Variants in UGCG observed in about 807,000 individuals in gnomAD.
The protein encoded by UGCG is ceramide glucosyltransferase.
A neutral mutation model predicts 49.5 loss-of-function variants in UGCG; 10 were observed. That is an observed-to-expected ratio of 0.20 (90% CI 0.12 to 0.34). UGCG has a LOEUF of 0.34. Ranked by LOEUF, UGCG falls within the 10% of genes least tolerant of loss-of-function variation. The pLI is 1.00. For synonymous variants in UGCG, 182 were observed against 158.2 expected (o/e 1.15, Z -1.13); for missense variants, 312 against 483.7 (o/e 0.65, Z 3.33).
intron 1 of UGCG, among the ~76,000 whole-genome samples, chr9:111,908,417 G>A (rs1837932231): frequency 6.6e-6 from 1 of 152,210 alleles, no homozygotes. Flanking sequence ...TACCCTTGAG[G>A]GGAGCATAGT....
intron 1 of UGCG, among the ~76,000 whole-genome samples, chr9:111,904,586 C>T (rs1837841453): frequency 6.6e-6 from 1 of 152,134 alleles, no homozygotes; most frequent in Non-Finnish European, 1.5e-5. Context: ...AGAGGCTGGG[C>T]TTGGTGGCTC....
intron 1 of UGCG, among the ~76,000 whole-genome samples, chr9:111,898,883 A>G (rs62572655): frequency 0.019 from 2,836 of 152,314 alleles, 37 homozygotes; most frequent in Non-Finnish European, 0.029. Flanking sequence ...CCTGCTTTAA[A>G]GTTCATCTGT....
chr9:111,931,203 A>C, intron 6 of UGCG, 68 bp from the exon 7 acceptor site: 1 of 1,466,886 alleles, frequency 6.8e-7, no homozygotes, highest in African/African-American at 1.4e-5. Context: ...TGATTACTGA[A>C]TGCATAACCA....
At chr9:111,924,260 T>C (rs1465617754) in intron 3 of UGCG, among the ~76,000 whole-genome samples, 1 of 152,194 alleles carries the variant, frequency 6.6e-6, no homozygotes, top group East Asian at 1.9e-4. Flanking sequence ...CACGATGTTT[T>C]GAAATATATA....
At chr9:111,899,362 TTTTCTG>T (rs1312436740) in intron 1 of UGCG, among the ~76,000 whole-genome samples, 1 of 152,162 alleles carries the variant, frequency 6.6e-6, no homozygotes, top group Non-Finnish European at 1.5e-5. Context: ...CATTTCACTG[TTTTCTG>T]TTTCTATTTT....
intron 1 of UGCG, among the ~76,000 whole-genome samples, chr9:111,902,069 T>C (rs996025772): frequency 6.6e-6 from 1 of 152,250 alleles, no homozygotes; most frequent in Admixed American, 6.5e-5. Flanking sequence ...CAATGTGCTT[T>C]CTTTGGAATT....
chr9:111,929,903 C>G (rs1284870409), intron 6 of UGCG, among the ~76,000 whole-genome samples: 3 of 152,156 alleles, frequency 2.0e-5, no homozygotes, highest in African/African-American at 7.2e-5. Context: ...ACTGTAGCCT[C>G]TGCCTCCCGG....
chr9:111,901,788 G>A (rs573098920), intron 1 of UGCG, among the ~76,000 whole-genome samples: 2 of 152,326 alleles, frequency 1.3e-5, no homozygotes, highest in East Asian at 3.9e-4. Context: ...TCTGACATTA[G>A]TTAGTTCAGC....
intron 1 of UGCG, among the ~76,000 whole-genome samples, chr9:111,911,037 G>A (rs1837987382): frequency 6.6e-6 from 1 of 152,092 alleles, no homozygotes; most frequent in Non-Finnish European, 1.5e-5. Flanking sequence ...ATGAGCCACT[G>A]TGCCTGGCCA....
chr9:111,926,841 G>A (rs1345023216), intron 5 of UGCG, among the ~76,000 whole-genome samples: 6 of 144,512 alleles, frequency 4.2e-5, no homozygotes, highest in African/African-American at 5.1e-5. Flanking sequence ...GAAAAGAACC[G>A]CTGGCCCCCT....
chr9:111,909,076 G>A (rs1485894080), intron 1 of UGCG, among the ~76,000 whole-genome samples: 4 of 152,050 alleles, frequency 2.6e-5, no homozygotes, highest in South Asian at 2.1e-4. Flanking sequence ...GTGCCACCAC[G>A]CCCAGCTAAT....
Position 111,934,277 on chromosome 9 carries a change from C to T in UGCG, c.*1280C>T, listed in dbSNP as rs920567072. 3 of 151,824 alleles carry T rather than the reference C, an allele frequency of 2.0e-5. No homozygotes were observed. Among genetic ancestry groups the T allele is most frequent in the Admixed American group, 6.6e-5 (1 of 15,248 alleles). The allele number at this position is 151,824 out of a possible 1,614,324, so 9.4% of individuals were successfully genotyped here. On this transcript the variant is annotated 3_prime_UTR_variant, in exon 9 of 9. Transcript: ENST00000374279. ...GCATGCTGTACCTCACTGTTTTCTCCCCATCATGCCGCTAAACTTGCTCGC... is the reference window on the plus strand; with the variant it reads ...GCATGCTGTACCTCACTGTTTTCTCTCCATCATGCCGCTAAACTTGCTCGC...
chr9:111,930,233 C>T (rs578241685), intron 6 of UGCG, among the ~76,000 whole-genome samples: 12 of 151,882 alleles, frequency 7.9e-5, no homozygotes, highest in African/African-American at 2.9e-4. Flanking sequence ...TGTTTTAAAG[C>T]GATTAAAAGT....
chr9:111,928,200 A>G (rs1244236533), intron 5 of UGCG, among the ~76,000 whole-genome samples: 3 of 152,226 alleles, frequency 2.0e-5, no homozygotes, highest in African/African-American at 7.2e-5. Context: ...AGTTTGAACC[A>G]TGAGCTCTTT....
At position 111,933,235 on chromosome 9, in the gene UGCG, A is replaced by G. The variant is rs1327764585; in HGVS notation, c.*238A>G. 3.7e-6 allele frequency: 1 copy of G among 273,670 alleles called. No homozygotes were observed. The highest frequency in any genetic ancestry group is 6.5e-6 in the Non-Finnish European group (1 of 153,412). The allele number at this position is 273,670 out of a possible 1,614,324, so 17.0% of individuals were successfully genotyped here. Reference sequence around the variant, plus strand: ...GTAGAGAATCAAGAGAATTGGTTCTAGGAACCTGGGTTCGTTCATCATTGT... The same window carrying G: ...GTAGAGAATCAAGAGAATTGGTTCTGGGAACCTGGGTTCGTTCATCATTGT... On this transcript the variant is annotated 3_prime_UTR_variant, in exon 9 of 9. Coordinates refer to ENST00000374279, the MANE Select transcript of UGCG (RefSeq NM_003358.3).
chr9:111,932,836 C>T lies in UGCG; in HGVS notation c.1024C>T (p.Leu342=), dbSNP rs1290493705. Reference sequence around the variant, plus strand: ...TTTTTTCCATTCCTAGGGTGGCACACTGTGTTTTTCAAAACTTGATTATGC... The same window carrying T: ...TTTTTTCCATTCCTAGGGTGGCACATTGTGTTTTTCAAAACTTGATTATGC... ...IQLRGVQGGT[L]CFSKLDYAVA... is the part of the protein sequence containing the mutation. The change falls in exon 9 of 9, where the codon CTG becomes TTG. Residue 342 remains leucine, a synonymous_variant. Transcript: ENST00000374279. 1.3e-6 allele frequency: 2 copies of T among 1,595,094 alleles called. No homozygotes were observed. The highest frequency in any genetic ancestry group is 1.7e-6 in the Non-Finnish European group (2 of 1,169,856).
intron 1 of UGCG, among the ~76,000 whole-genome samples, chr9:111,908,298 C>G (rs530488135): frequency 1.2e-4 from 18 of 152,288 alleles, no homozygotes; most frequent in Admixed American, 4.6e-4. Context: ...ATGATTCTCA[C>G]AAACATAACG....
intron 1 of UGCG, among the ~76,000 whole-genome samples, chr9:111,899,462 C>T (rs1485560806): frequency 1.3e-5 from 2 of 152,104 alleles, no homozygotes; most frequent in Non-Finnish European, 2.9e-5. Context: ...ACTCATAATC[C>T]TTTGCCTGTG....
chr9:111,917,982 T>G (rs1204270373), intron 2 of UGCG, among the ~76,000 whole-genome samples: 2 of 152,138 alleles, frequency 1.3e-5, no homozygotes, highest in African/African-American at 4.8e-5. Context: ...ACTATCAGAG[T>G]TCTTAACAGT....
Sources: allele counts gnomAD v4.1 joint callset (sites outside exome capture counted in the v4.1 genomes callset), GRCh38; gene constraint gnomAD v4.1.1; transcripts MANE v1.5; gene names NCBI Gene and HGNC (gene_info 2026-07-23, HGNC 2026-07-21).